Variants in B4GALNT4 observed in about 807,000 individuals in gnomAD.
B4GALNT4 encodes the protein N-acetyl-beta-glucosaminyl-glycoprotein 4-beta-N-acetylgalactosaminyltransferase 1.
A neutral mutation model predicts 110.0 loss-of-function variants in B4GALNT4; 77 were observed. The observed-to-expected ratio is 0.70, with a 90% confidence interval of 0.58 to 0.85. B4GALNT4 has a LOEUF of 0.85. B4GALNT4 is among the 40% of genes least tolerant of loss of function. The pLI is 0.00. For synonymous variants in B4GALNT4, 785 were observed against 655.5 expected (o/e 1.20, Z -3.02); for missense variants, 1,575 against 1,506.0 (o/e 1.05, Z -0.76).
chr11:376,260 C>A lies in B4GALNT4; in HGVS notation c.1206C>A (p.Phe402Leu). 1 of 1,609,362 alleles carries A rather than the reference C, an allele frequency of 6.2e-7. No homozygotes were observed. Among genetic ancestry groups the A allele is most frequent in the Non-Finnish European group, 8.5e-7 (1 of 1,177,826 alleles). ...ESPLYLERFG[F>L]YKYMKMDKEE... Reference sequence around the variant, plus strand: ...CCCCGCCGCGCCCCAGGTTTGGGTTCTATAAATACATGAAGATGGACAAGG... The same window carrying A: ...CCCCGCCGCGCCCCAGGTTTGGGTTATATAAATACATGAAGATGGACAAGG... The change falls in exon 13 of 20, where the codon TTC becomes TTA. Residue 402 changes from phenylalanine (F) to leucine (L), a missense_variant. By Grantham distance (22) the Phe-to-Leu change is conservative. Transcript: ENST00000329962.
chr11:381,769 G>T lies in B4GALNT4; in HGVS notation c.3097G>T (p.Gly1033Cys). 1 of 1,583,616 alleles carries T rather than the reference G, an allele frequency of 6.3e-7. No individual in the cohort carries two copies. ...CATGTGGAGCGTCCGCAGCAGGAAG[G>T]GCTCTCGCACGGGGGCGTCTTGAGG... ...RGMWSVRSRK[G>C]SRTGAS The change falls in exon 20 of 20, where the codon GGC becomes TGC. Residue 1033 changes from glycine (G) to cysteine (C), a missense_variant. Gly to Cys is a radical substitution (Grantham distance 159). Coordinates refer to ENST00000329962, the MANE Select transcript of B4GALNT4 (RefSeq NM_178537.5).
At chr11:381,294 C>T (rs1410745063) in intron 19 of B4GALNT4, 2 of 363,940 alleles carry the variant, frequency 5.5e-6, no homozygotes, top group East Asian at 3.2e-4. Context: ...GGGTACTGAC[C>T]ACCTCTCCGC....
At position 372,215 on chromosome 11, in the gene B4GALNT4, G is replaced by A; in HGVS notation, c.255+3G>A. 3 of 1,549,972 alleles carry A rather than the reference G, an allele frequency of 1.9e-6. No homozygotes were observed. Among genetic ancestry groups the A allele is most frequent in the Middle Eastern group, 1.7e-4 (1 of 5,990 alleles). On this transcript the variant is annotated splice_donor_region_variant and intron_variant, in intron 2 of 19. Coordinates refer to ENST00000329962, the MANE Select transcript of B4GALNT4 (RefSeq NM_178537.5). ...AGAGCCGTGAAGAGGAGCAAGCGGT[G>A]AGCAGAGCCCTGGGGAGAACACGTG...
chr11:379,992 G>C lies in B4GALNT4; in HGVS notation c.2615G>C (p.Arg872Pro). 1 of 1,612,944 alleles carries C rather than the reference G, an allele frequency of 6.2e-7. No homozygotes were observed. The highest frequency in any genetic ancestry group is 8.5e-7 in the Non-Finnish European group (1 of 1,179,794). ...GAGAGCGAGGATATGGACGTGGAGCGGGCCCTGCGCGCCGCGCGCCTGCCC... is the reference window on the plus strand; with the variant it reads ...GAGAGCGAGGATATGGACGTGGAGCCGGCCCTGCGCGCCGCGCGCCTGCCC... ...DFESEDMDVE[R>P]ALRAARLPRY... Residue 872 changes from arginine (R) to proline (P), a missense_variant, in exon 16 of 20, where the codon CGG (arginine) becomes CCG (proline). Coordinates refer to ENST00000329962, the MANE Select transcript of B4GALNT4 (RefSeq NM_178537.5).
Position 376,888 on chromosome 11 carries a change from C to G in B4GALNT4, c.1765C>G (p.Pro589Ala), listed in dbSNP as rs1438526843. Residue 589 changes from proline (P) to alanine (A), a missense_variant, in exon 14 of 20, where the codon CCC becomes GCC. Physicochemically the swap from Pro to Ala is conservative, Grantham distance 27 (BLOSUM62 -1). Transcript: ENST00000329962. Reference sequence around the variant, plus strand: ...CGGCCCCCAGGCCACACAGCCGAGGCCCCCAGCCCGGGCGCAGGCCACCCA... The same window carrying G: ...CGGCCCCCAGGCCACACAGCCGAGGGCCCCAGCCCGGGCGCAGGCCACCCA... ...TGGPQATQPR[P>A]PARAQATQGG... 2 of 1,351,518 alleles carry G rather than the reference C, an allele frequency of 1.5e-6. No individual in the cohort carries two copies. The highest frequency in any genetic ancestry group is 8.4e-5 in the Admixed American group (2 of 23,930). The allele number at this position is 1,351,518 out of a possible 1,614,324, so 83.7% of individuals were successfully genotyped here. A position where few individuals can be genotyped will look rare whatever the true frequency, so the allele number is the denominator to read the frequency against.
At chr11:373,979 G>C (rs1479875977) in intron 8 of B4GALNT4, 151 bp downstream of exon 8, 2 of 726,356 alleles carry the variant, frequency 2.8e-6, no homozygotes, top group South Asian at 3.6e-5. Context: ...CTGCCCTCCT[G>C]GGGGGCTCGG....
chr11:373,994 G>C (rs1723913236), intron 8 of B4GALNT4, among the ~76,000 whole-genome samples, 166 bp downstream of exon 8: 1 of 152,154 alleles, frequency 6.6e-6, no homozygotes, highest in African/African-American at 2.4e-5. Context: ...GCTCGGTGAG[G>C]CTTCACTAGG....
chr11:378,773 G>T (rs76828604), intron 14 of B4GALNT4, among the ~76,000 whole-genome samples: 1 of 152,178 alleles, frequency 6.6e-6, no homozygotes, highest in African/African-American at 2.4e-5. Context: ...CAGCATGGAA[G>T]CAGCCTCCTC....
intron 13 of B4GALNT4, 24 bp downstream of exon 13, chr11:376,375 C>T (rs1000273459): frequency 1.9e-5 from 31 of 1,603,994 alleles, no homozygotes; most frequent in Admixed American, 5.1e-5. Context: ...GCGCCCCTGG[C>T]CCGCACCCAC....
intron 1 of B4GALNT4, 55 bp downstream of exon 1, chr11:370,009 G>GGGGGGCGC (rs1846584717): frequency 6.4e-6 from 1 of 156,108 alleles, no homozygotes; most frequent in African/African-American, 3.1e-5. Flanking sequence ...CGGGGGGCGC[G>GGGGGGCGC]GGGGGCGCGG....
chr11:373,403 A>G (rs1321062591), intron 6 of B4GALNT4, 46 bp from the exon 7 acceptor site: 2 of 1,259,448 alleles, frequency 1.6e-6, no homozygotes, highest in Non-Finnish European at 2.2e-6. Flanking sequence ...CCAGGGAGAG[A>G]GTGAACCCCC....
In B4GALNT4 at chr11:375,782, G is replaced by A. The variant is rs2133571725; in HGVS notation, c.985+9G>A. ...GGATACCTTTTTCCTCAGTGAGAGG[G>A]GGCCCGCGCGGGGGCGAGGGCGGGG... On this transcript the variant is annotated intron_variant, in intron 10 of 19. Coordinates refer to ENST00000329962, the MANE Select transcript of B4GALNT4 (RefSeq NM_178537.5). 2.5e-6 allele frequency: 4 copies of A among 1,599,932 alleles called. No homozygotes were observed. Among genetic ancestry groups the A allele is most frequent in the Non-Finnish European group, 1.7e-6 (2 of 1,176,558 alleles).
chr11:380,507 C>G (rs1846853115), intron 18 of B4GALNT4, 62 bp downstream of exon 18: 1 of 1,530,070 alleles, frequency 6.5e-7, no homozygotes, highest in African/African-American at 1.4e-5. Context: ...GCGGTAAAGT[C>G]CAGGAACCCG....
At position 380,277 on chromosome 11, in the gene B4GALNT4, T is replaced by C. The variant is rs1202714318; in HGVS notation, c.2716-15T>C. On this transcript the variant is annotated splice_polypyrimidine_tract_variant and intron_variant, in intron 17 of 19. Transcript: ENST00000329962. The stretch of plus-strand genomic sequence containing the variant: ...AGGAGCGGAGGGCGGGGCTCAGACC[T>C]CCCGCACCCCCCAGGACGCCAGCAG... 6 of 1,611,844 alleles carry C rather than the reference T, an allele frequency of 3.7e-6. No homozygotes were observed. Among genetic ancestry groups the C allele is most frequent in the Non-Finnish European group, 1.7e-6 (2 of 1,179,040 alleles).
At chr11:372,021 G>T in intron 1 of B4GALNT4, 88 bp from the exon 2 acceptor site, 2 of 1,067,488 alleles carry the variant, frequency 1.9e-6, no homozygotes, top group South Asian at 2.8e-5. Flanking sequence ...CTGGCCATGT[G>T]GGTCCCTGGC....
Position 379,882 on chromosome 11 carries a change from G to A in B4GALNT4, c.2505G>A (p.Arg835=). The change falls in exon 16 of 20, where the codon CGG becomes CGA. Residue 835 remains arginine (R), a synonymous_variant. Coordinates refer to ENST00000329962, the MANE Select transcript of B4GALNT4 (RefSeq NM_178537.5). ...HFIVPVKNQA[R]WVAQFLADMA... is the part of the protein sequence containing the mutation. ...CTCCTCCAGTGAAAAACCAGGCACGGTGGGTGGCACAGTTCCTGGCGGACA... is the reference window on the plus strand; with the variant it reads ...CTCCTCCAGTGAAAAACCAGGCACGATGGGTGGCACAGTTCCTGGCGGACA... 6.3e-7 allele frequency: 1 copy of A among 1,598,624 alleles called. No homozygotes were observed. The highest frequency in any genetic ancestry group is 8.5e-7 in the Non-Finnish European group (1 of 1,172,428).
intron 8 of B4GALNT4, among the ~76,000 whole-genome samples, chr11:374,164 G>C (rs946941050): frequency 7.2e-5 from 11 of 152,168 alleles, no homozygotes; most frequent in Admixed American, 7.2e-4. Context: ...GACTAGGAGG[G>C]GTCTGGTGGC....
chr11:374,172 G>A (rs151126912), intron 8 of B4GALNT4, among the ~76,000 whole-genome samples: 3 of 152,220 alleles, frequency 2.0e-5, no homozygotes, highest in African/African-American at 7.2e-5. Context: ...GGGGTCTGGT[G>A]GCCAGATCAG....
chr11:376,506 C>G lies in B4GALNT4; in HGVS notation c.1383C>G (p.Ser461=). 1.2e-5 allele frequency: 19 copies of G among 1,524,300 alleles called. No homozygotes were observed. The highest frequency in any genetic ancestry group is 1.7e-5 in the Non-Finnish European group (19 of 1,143,056). 94.4% of individuals were successfully genotyped at this position (1,524,300 alleles called of 1,614,324 possible). ...EAAPPRSGPQ[S]PAPAAPAQPG... ...CCCCGCCCAGGAGCGGCCCCCAGTC[C>G]CCCGCCCCAGCAGCCCCCGCCCAGC... The change falls in exon 14 of 20, where the codon TCC becomes TCG. Residue 461 remains serine, a synonymous_variant. Coordinates refer to ENST00000329962, the MANE Select transcript of B4GALNT4 (RefSeq NM_178537.5).
Sources: allele counts gnomAD v4.1 joint callset (sites outside exome capture counted in the v4.1 genomes callset), GRCh38; gene constraint gnomAD v4.1.1; transcripts MANE v1.5; gene names NCBI Gene and HGNC (gene_info 2026-07-23, HGNC 2026-07-21).